The following POM121 variants were observed in gnomAD, a reference collection of about 807,000 sequenced individuals.
The protein encoded by POM121 is POM121 transmembrane nucleoporin, also known as nuclear envelope pore membrane protein POM 121.
POM121 carries 32 observed loss-of-function variants against 81.3 expected under a neutral mutation model. The observed-to-expected ratio is 0.39, with a 90% CI of 0.30 to 0.53. POM121 has a LOEUF of 0.53. Among genes scored for constraint, POM121 ranks in the 20% least tolerant of loss-of-function variants. The pLI is 0.66. For missense variants in POM121, 1,138 were observed against 1,614.6 expected, an observed-to-expected ratio of 0.70 and a Z score of 5.06; for synonymous variants, 514 against 694.2, an observed-to-expected ratio of 0.74 and a Z score of 4.08.
chr7:72,942,214 G>C lies in POM121; in HGVS notation c.2221G>C (p.Glu741Gln). ...CACGGCTCCACCCAAGAGTGAGAAG[G>C]AAGGCCCCACACCGCCTGGCCCTTC... ...IFTAPPKSEK[E>Q]GPTPPGPSVT... The change falls in exon 11 of 13, where the codon GAA becomes CAA. Residue 741 changes from glutamate to glutamine, a missense_variant. Physicochemically the swap from Glu to Gln is conservative, Grantham distance 29. This residue lies in a region of POM121 where 37 missense variants were observed against 62.8 expected (regional missense o/e 0.59). Coordinates refer to ENST00000434423, the MANE Select transcript of POM121 (RefSeq NM_001387691.1). The C allele has an allele frequency of 6.2e-7, 1 of 1,610,092 alleles. No individual in the cohort carries two copies. The highest frequency in any genetic ancestry group is 8.5e-7 in the Non-Finnish European group (1 of 1,179,868).
At position 72,925,678 on chromosome 7, in the gene POM121, C is replaced by T; in HGVS notation, c.557C>T (p.Pro186Leu). The T allele has an allele frequency of 8.1e-6, 10 of 1,228,338 alleles. No individual in the cohort carries two copies. Among genetic ancestry groups the T allele is most frequent in the Non-Finnish European group, 1.0e-5 (10 of 987,780 alleles). 76.1% of individuals were successfully genotyped at this position (1,228,338 alleles called of 1,614,324 possible). A position where few individuals can be genotyped will look rare whatever the true frequency, so the allele number is the denominator to read the frequency against. The change falls in exon 1 of 13, where the codon CCG becomes CTG. Residue 186 changes from proline (P) to leucine (L), a missense_variant. Pro to Leu is a moderately conservative substitution (Grantham distance 98). Transcript: ENST00000434423. Reference protein sequence around the residue: ...PPRSPPPRSPPPSPPTHRAHH... With the variant: ...PPRSPPPRSPLPSPPTHRAHH... Reference sequence around the variant, plus strand: ...CGCTCCCCACCGCCGCGCTCCCCCCCGCCCTCCCCGCCGACCCATCGCGCT... The same window carrying T: ...CGCTCCCCACCGCCGCGCTCCCCCCTGCCCTCCCCGCCGACCCATCGCGCT...
chr7:72,894,145 T>C (rs1791613805), intron 3 of POM121, among the ~76,000 whole-genome samples: 2 of 151,996 alleles, frequency 1.3e-5, no homozygotes, highest in Non-Finnish European at 2.9e-5. Context: ...GCGCCTGTAG[T>C]CCCAGATATT....
chr7:72,943,394 G>A lies in POM121; in HGVS notation c.3401G>A (p.Ser1134Asn). 1 of 1,613,396 alleles carries A rather than the reference G, an allele frequency of 6.2e-7. No individual in the cohort carries two copies. Among genetic ancestry groups the A allele is most frequent in the Non-Finnish European group, 8.5e-7 (1 of 1,179,784 alleles). ...GCTTTCAGCTTTGGAGCAGGACAGA[G>A]TGGGAGCACAGCCACCTCCACCCCC... ...TGAFSFGAGQ[S>N]GSTATSTPFA... Residue 1134 changes from serine (S) to asparagine (N), a missense_variant, in exon 11 of 13, where the codon AGT becomes AAT. Transcript: ENST00000434423.
chr7:72,909,307 C>T (rs1428133863), intron 3 of POM121, among the ~76,000 whole-genome samples: 4 of 152,184 alleles, frequency 2.6e-5, no homozygotes, highest in Admixed American at 1.3e-4. Flanking sequence ...ATAATTCCAA[C>T]ATCTTTGTCA....
In POM121 at chr7:72,939,320, C is replaced by A. The variant is rs782508312; in HGVS notation, c.1368-16C>A. The A allele has an allele frequency of 5.1e-5, 82 of 1,613,248 alleles. No homozygotes were observed. In the South Asian group the frequency reaches 8.2e-4, roughly 16 times the overall value. On this transcript the variant is annotated splice_polypyrimidine_tract_variant and intron_variant, in intron 6 of 12. Coordinates refer to ENST00000434423, the MANE Select transcript of POM121 (RefSeq NM_001387691.1). ...AGAAGCCTTTCTAGACTAAATTGTT[C>A]CTTTTTTCCTGACAGAGAAGAGGAG...
At chr7:72,902,238 T>C (rs1385672061) in intron 3 of POM121, among the ~76,000 whole-genome samples, 2 of 151,290 alleles carry the variant, frequency 1.3e-5, no homozygotes, top group South Asian at 4.1e-4. Flanking sequence ...TCCATTTTTA[T>C]ACTTTTCTTT....
In POM121 at chr7:72,925,120, C is replaced by G. The variant is rs1364053290; in HGVS notation, c.-2C>G. The stretch of plus-strand genomic sequence containing the variant: ...AAGTCTCCTCCGCGGCGCGGAGCCG[C>G]GATGTCTCCGGCGGCTGCGGCGGCT... On this transcript the variant is annotated 5_prime_UTR_variant, in exon 1 of 13. Coordinates refer to ENST00000434423, the MANE Select transcript of POM121 (RefSeq NM_001387691.1). 1 of 1,417,644 alleles carries G rather than the reference C, an allele frequency of 7.1e-7. No individual in the cohort carries two copies. Among genetic ancestry groups the G allele is most frequent in the Non-Finnish European group, 9.1e-7 (1 of 1,100,218 alleles). The allele number at this position is 1,417,644 out of a possible 1,614,324, so 87.8% of individuals were successfully genotyped here. A position where few individuals can be genotyped will look rare whatever the true frequency, so the allele number is the denominator to read the frequency against.
chr7:72,924,913 T>G, upstream of POM121: 1 of 839,954 alleles, frequency 1.2e-6, no homozygotes, highest in Non-Finnish European at 1.6e-6. Context: ...CGGATGGATG[T>G]GGCGCTGGGA....
intron 1 of POM121, among the ~76,000 whole-genome samples, chr7:72,885,853 GTC>G: frequency 6.6e-6 from 1 of 150,964 alleles, no homozygotes; most frequent in African/African-American, 2.5e-5. Context: ...TTTTTAAAAT[GTC>G]TCTGTTTGTC....
chr7:72,910,924 C>T (rs1163446348), intron 3 of POM121, among the ~76,000 whole-genome samples: 15 of 152,018 alleles, frequency 9.9e-5, no homozygotes, highest in African/African-American at 3.6e-4. Flanking sequence ...CTGGGTCAGC[C>T]CTTCTCTTCT....
At chr7:72,924,256 T>C (rs1183605420), upstream of POM121, among the ~76,000 whole-genome samples, 1 of 152,152 alleles carries the variant, frequency 6.6e-6, no homozygotes. Context: ...TGAATTGCAA[T>C]CTTCTACTTA....
At chr7:72,916,514 C>T (rs1794307869) in intron 4 of POM121, among the ~76,000 whole-genome samples, 2 of 152,128 alleles carry the variant, frequency 1.3e-5, no homozygotes, top group Non-Finnish European at 2.9e-5. Context: ...TATTCTGTTC[C>T]ATTGGTCTAT....
At chr7:72,927,449 C>T (rs563723632) in intron 3 of POM121, among the ~76,000 whole-genome samples, 361 of 152,280 alleles carry the variant, frequency 2.4e-3, no homozygotes, top group Non-Finnish European at 3.4e-3. Flanking sequence ...GTGGCTCAGG[C>T]CTGTAATCTC....
In POM121 at chr7:72,938,466, C is replaced by T. The variant is rs576895020; in HGVS notation, c.1276-124C>T. ...TTGGCCTCCCAGCATGCTGGGATTA[C>T]AGGCATGACTAACCATTTAACCATA... On this transcript the variant is annotated intron_variant, in intron 5 of 12. Coordinates refer to ENST00000434423, the MANE Select transcript of POM121 (RefSeq NM_001387691.1). 4.5e-5 allele frequency: 53 copies of T among 1,188,438 alleles called. 2 individuals are homozygous for T. In the South Asian group the frequency reaches 6.2e-4, roughly 14 times the overall value. The allele number at this position is 1,188,438 out of a possible 1,614,324, so 73.6% of individuals were successfully genotyped here. A position where few individuals can be genotyped will look rare whatever the true frequency, so the allele number is the denominator to read the frequency against.
rs778348271 is a variant in POM121, at chr7:72,945,993, G to A, written c.3653-144G>A. ...GTTTGCATTTCAGGAGGCTTCTCCC[G>A]TACAGTGTTTCTGATGCAGCGGGGA... is the stretch of plus-strand genomic sequence containing the variant. On this transcript the variant is annotated intron_variant, in intron 12 of 12. Coordinates refer to ENST00000434423, the MANE Select transcript of POM121 (RefSeq NM_001387691.1). 3.6e-5 allele frequency: 52 copies of A among 1,442,356 alleles called. 1 individual carries two copies. The highest frequency in any genetic ancestry group is 7.2e-5 in the African/African-American group (5 of 69,494). 89.3% of individuals were successfully genotyped at this position (1,442,356 alleles called of 1,614,324 possible).
chr7:72,937,311 T>C (rs1216722777), intron 5 of POM121, among the ~76,000 whole-genome samples: 1 of 152,064 alleles, frequency 6.6e-6, no homozygotes, highest in Non-Finnish European at 1.5e-5. Context: ...AGTGAGGTAG[T>C]GTCAGGGATC....
intron 5 of POM121, among the ~76,000 whole-genome samples, chr7:72,935,851 G>T (rs2530510): frequency 6.6e-6 from 1 of 152,206 alleles, no homozygotes; most frequent in African/African-American, 2.4e-5. Flanking sequence ...AATGTGATTG[G>T]CTGTGCTGGT....
intron 4 of POM121, among the ~76,000 whole-genome samples, chr7:72,918,878 A>G (rs1554495497): frequency 6.6e-6 from 1 of 150,834 alleles, no homozygotes; most frequent in Admixed American, 6.6e-5. Flanking sequence ...GCTCACTGCA[A>G]CCTCCACCTT....
chr7:72,906,991 A>T (rs1793305637), intron 3 of POM121, among the ~76,000 whole-genome samples: 1 of 152,060 alleles, frequency 6.6e-6, no homozygotes, highest in African/African-American at 2.4e-5. Flanking sequence ...TAGAAGATTT[A>T]TACTTAATTT....
Sources: gnomAD v4.1 joint callset for allele counts (sites outside exome capture counted in the v4.1 genomes callset) on GRCh38, gnomAD v4.1.1 for gene constraint, gnomAD v4.1.1 regional missense constraint, MANE v1.5 for transcripts, NCBI Gene and HGNC (gene_info 2026-07-23, HGNC 2026-07-21) for gene names.